MS4A4E: variants seen among roughly 807,000 people sequenced by gnomAD.
The protein encoded by MS4A4E is putative membrane-spanning 4-domains subfamily A member 4E.
MS4A4E carries 23 observed loss-of-function variants against 13.3 expected under a neutral mutation model. The ratio of observed to expected loss-of-function variants is 1.73; its 90% CI spans 1.25 to 2.45. MS4A4E has a LOEUF of 2.45. MS4A4E is among the 30% of genes most tolerant of loss of function. The probability of loss-of-function intolerance (pLI) is 0.00; values close to 1 mark genes in which losing one functional copy is unlikely to be tolerated. For missense variants in MS4A4E, 144 were observed against 131.2 expected (o/e 1.10, Z -0.48); for synonymous variants, 36 against 45.6 (o/e 0.79, Z 0.85).
At chr11:60,206,498 T>TATATGTATATATATATAC (rs756371500) in intron 6 of MS4A4E, among the ~76,000 whole-genome samples, 4 of 104,004 alleles carry the variant, frequency 3.8e-5, no homozygotes, top group African/African-American at 1.8e-4. Flanking sequence ...TGTATATATA[T>TATATGTATATATATATAC]ACGTATATAT....
intron 3 of MS4A4E, among the ~76,000 whole-genome samples, chr11:60,222,813 G>A (rs548795788): frequency 8.1e-4 from 124 of 152,268 alleles, no homozygotes; most frequent in African/African-American, 2.8e-3. Context: ...AGCTAAGAAG[G>A]GAGTTACAGT....
At chr11:60,214,022 A>C (rs1321290579) in intron 4 of MS4A4E, among the ~76,000 whole-genome samples, 3 of 151,990 alleles carry the variant, frequency 2.0e-5, no homozygotes, top group African/African-American at 7.3e-5. Context: ...CTCCTGCCTC[A>C]GCCTCCTGAG....
rs1003457517 is a variant in MS4A4E at position 60,201,615 on chromosome 11, C to G, written c.924G>C (p.Trp308Cys). 3.1e-6 allele frequency: 1 copy of G among 318,244 alleles called. No individual in the cohort carries two copies. The allele number at this position is 318,244 out of a possible 1,614,324, so 19.7% of individuals were successfully genotyped here. A position where few individuals can be genotyped will look rare whatever the true frequency, so the allele number is the denominator to read the frequency against. The change falls in exon 9 of 9, where the codon TGG (tryptophan) becomes TGC (cysteine). Residue 308 changes from tryptophan to cysteine, a missense_variant. Physicochemically the swap from Trp to Cys is radical, Grantham distance 215 (BLOSUM62 -2). Around this residue, in one of 3 missense-constraint regions of MS4A4E, gnomAD observed 21 missense variants for 25.1 expected, o/e 0.84. Coordinates refer to ENST00000651255, the MANE Select transcript of MS4A4E (RefSeq NM_001393391.1). Reference protein sequence around the residue: ...LCPAAIPSRKWGAPLPGHHPI... With the variant: ...LCPAAIPSRKCGAPLPGHHPI... ...GATGGTGGCCGGGAAGAGGCGCTCCCCACTTCCTAGATGGGATGGCAGCCG... is the reference window on the plus strand; with the variant it reads ...GATGGTGGCCGGGAAGAGGCGCTCCGCACTTCCTAGATGGGATGGCAGCCG...
chr11:60,216,355 A>C (rs2084192686), intron 3 of MS4A4E, among the ~76,000 whole-genome samples: 1 of 152,104 alleles, frequency 6.6e-6, no homozygotes, highest in Non-Finnish European at 1.5e-5. Context: ...AAACCTAGGT[A>C]GTTACATGTA....
At chr11:60,222,695 G>A (rs868081930) in intron 3 of MS4A4E, among the ~76,000 whole-genome samples, 7 of 152,120 alleles carry the variant, frequency 4.6e-5, no homozygotes, top group African/African-American at 9.7e-5. Flanking sequence ...AGAGGTCTTA[G>A]TTCCAGAGGA....
rs1448191671 is a variant in MS4A4E at position 60,201,257 on chromosome 11, TC to T, written c.*285del. ...GGGCGGGGGGCTGACCCCCCCCACC[TC>T]CCTCCCGGATGGGGCAGCTGGCCTG... On this transcript the variant is annotated 3_prime_UTR_variant, in exon 9 of 9. Transcript: ENST00000651255. The T allele has an allele frequency of 7.4e-6, 1 of 134,412 alleles. No homozygotes were observed. Among genetic ancestry groups the T allele is most frequent in the Non-Finnish European group, 1.5e-5 (1 of 66,142 alleles). 8.3% of individuals were successfully genotyped at this position (134,412 alleles called of 1,614,324 possible).
chr11:60,231,452 A>C (rs2084410864), intron 1 of MS4A4E, among the ~76,000 whole-genome samples: 1 of 152,188 alleles, frequency 6.6e-6, no homozygotes, highest in Non-Finnish European at 1.5e-5. Flanking sequence ...CAATTTGGAC[A>C]AACAGAATTA....
rs576912259 is a variant in MS4A4E, at chr11:60,241,034, T to C, written c.-17+1924A>G. ...ATTTATTTATTTATTTACTTATTTA[T>C]TTATTTTGAGGCGGAGTCTCGCTCT... On this transcript the variant is annotated intron_variant, in intron 1 of 8. Transcript: ENST00000651255. Among the ~76,000 whole-genome samples, 6 of 152,190 alleles carry C rather than the reference T, an allele frequency of 3.9e-5. No individual in the cohort carries two copies. The East Asian group carries it at 1.2e-3, about 29-fold the overall frequency.
chr11:60,216,523 C>T (rs2084196216), intron 3 of MS4A4E, among the ~76,000 whole-genome samples: 1 of 151,826 alleles, frequency 6.6e-6, no homozygotes, highest in African/African-American at 2.4e-5. Flanking sequence ...ATAAAAAGTA[C>T]ACATAAAAAG....
chr11:60,215,732 T>C (rs2084184250), intron 3 of MS4A4E, among the ~76,000 whole-genome samples: 1 of 151,946 alleles, frequency 6.6e-6, no homozygotes. Flanking sequence ...GAAAAATAGT[T>C]GAAACAAATG....
chr11:60,222,185 A>C (rs2134948250), intron 3 of MS4A4E, among the ~76,000 whole-genome samples: 1 of 152,300 alleles, frequency 6.6e-6, no homozygotes, highest in Middle Eastern at 3.4e-3. Flanking sequence ...GTTTTTCCTC[A>C]CCAGAATAGA....
chr11:60,203,656 C>T (rs551967752), intron 8 of MS4A4E, among the ~76,000 whole-genome samples: 4 of 151,948 alleles, frequency 2.6e-5, no homozygotes, highest in Admixed American at 6.6e-5. Context: ...GGCTGAGGTG[C>T]GAGGATGGCT....
chr11:60,240,334 AT>A (rs1413520443), intron 1 of MS4A4E, among the ~76,000 whole-genome samples: 2 of 152,016 alleles, frequency 1.3e-5, no homozygotes, highest in African/African-American at 4.8e-5. Context: ...TTAACTCTGT[AT>A]TTCTCCCATC....
chr11:60,232,732 C>A (rs1031995714), intron 1 of MS4A4E, among the ~76,000 whole-genome samples: 2 of 152,182 alleles, frequency 1.3e-5, no homozygotes, highest in Non-Finnish European at 2.9e-5. Flanking sequence ...CTTCTTGGAA[C>A]TGAATCACTG....
At chr11:60,224,615 C>T (rs1480973385) in intron 3 of MS4A4E, among the ~76,000 whole-genome samples, 1 of 152,124 alleles carries the variant, frequency 6.6e-6, no homozygotes, top group East Asian at 1.9e-4. Context: ...GCTAGCAGTC[C>T]TTGATGAAAT....
chr11:60,231,356 A>G (rs2084409453), intron 1 of MS4A4E, among the ~76,000 whole-genome samples: 1 of 152,016 alleles, frequency 6.6e-6, no homozygotes, highest in South Asian at 2.1e-4. Context: ...ATGTGATTGA[A>G]GTAGTTAAGA....
chr11:60,238,347 G>A (rs1487525768), intron 1 of MS4A4E, among the ~76,000 whole-genome samples: 1 of 151,872 alleles, frequency 6.6e-6, no homozygotes, highest in African/African-American at 2.4e-5. Flanking sequence ...TCTTATTACA[G>A]ATCTATTCAG....
At chr11:60,210,423 A>G (rs1024475450) in intron 5 of MS4A4E, among the ~76,000 whole-genome samples, 2 of 152,220 alleles carry the variant, frequency 1.3e-5, no homozygotes, top group African/African-American at 4.8e-5. Flanking sequence ...AGGACCAGCT[A>G]TGTAATTTAT....
intron 3 of MS4A4E, among the ~76,000 whole-genome samples, chr11:60,214,929 A>G (rs12362604): frequency 0.031 from 4,795 of 152,280 alleles, 147 homozygotes; most frequent in East Asian, 0.15. Context: ...CTTATATGGT[A>G]TTAATATTGA....
Sources: allele counts gnomAD v4.1 joint callset (sites outside exome capture counted in the v4.1 genomes callset), GRCh38; gene constraint gnomAD v4.1.1; regional missense constraint gnomAD v4.1.1; transcripts MANE v1.5; gene names NCBI Gene and HGNC (gene_info 2026-07-23, HGNC 2026-07-21).